Variants in POU2AF2 observed in about 807,000 individuals in gnomAD.
The protein encoded by POU2AF2 is POU domain class 2-associating factor 2.
chr11:111,257,856 G>T, the POU2AF2 span, among the ~76,000 whole-genome samples: 1 of 152,186 alleles, frequency 6.6e-6, no homozygotes, highest in Non-Finnish European at 1.5e-5. Context: ...AGTATCTCAT[G>T]ACTGTAATCC....
chr11:111,280,057 A>AATATATATATAT, the POU2AF2 span, among the ~76,000 whole-genome samples: 438 of 76,374 alleles, frequency 5.7e-3, 2 homozygotes, highest in Admixed American at 0.01. Flanking sequence ...AAAAAAAAAA[A>AATATATATATAT]ATATATATAT....
the POU2AF2 span, chr11:111,245,882 T>A: frequency 2.5e-6 from 1 of 398,806 alleles, no homozygotes; most frequent in African/African-American, 2.1e-5. Flanking sequence ...ACATCAATTA[T>A]TATAATTTAA....
At chr11:111,264,206 A>G in the POU2AF2 span, among the ~76,000 whole-genome samples, 2 of 151,978 alleles carry the variant, frequency 1.3e-5, no homozygotes, top group African/African-American at 4.8e-5. Context: ...GTAGAAAAAG[A>G]CTTCTTGGGT....
chr11:111,264,529 AAAG>A, the POU2AF2 span, among the ~76,000 whole-genome samples: 1 of 70,402 alleles, frequency 1.4e-5, no homozygotes, highest in Non-Finnish European at 2.9e-5. Context: ...AGAAAGAAAG[AAAG>A]AAAGAAAGAA....
At chr11:111,255,969 T>C in the POU2AF2 span, 3 of 399,108 alleles carry the variant, frequency 7.5e-6, no homozygotes, top group African/African-American at 6.2e-5. Flanking sequence ...TTGTGACTAT[T>C]CCATTTGCTT....
chr11:111,258,452 G>A, the POU2AF2 span, among the ~76,000 whole-genome samples: 1 of 152,142 alleles, frequency 6.6e-6, no homozygotes, highest in African/African-American at 2.4e-5. Context: ...AAATGATAAG[G>A]CACTATACCA....
At chr11:111,274,812 G>A in the POU2AF2 span, among the ~76,000 whole-genome samples, 428 of 152,060 alleles carry the variant, frequency 2.8e-3, 7 homozygotes, top group Non-Finnish European at 6.3e-4. Flanking sequence ...AGACTGGTGC[G>A]GTGGTTAAGA....
the POU2AF2 span, among the ~76,000 whole-genome samples, chr11:111,260,852 G>A: frequency 1.3e-5 from 2 of 152,172 alleles, no homozygotes; most frequent in Admixed American, 6.5e-5. Context: ...GTCCCCCGCC[G>A]GATAGGCATA....
chr11:111,278,065 T>C, the POU2AF2 span, among the ~76,000 whole-genome samples: 5 of 152,210 alleles, frequency 3.3e-5, no homozygotes, highest in Non-Finnish European at 7.3e-5. Flanking sequence ...TGTTAAAATA[T>C]TAAACAGGAA....
At chr11:111,266,023 C>T in the POU2AF2 span, among the ~76,000 whole-genome samples, 4 of 152,042 alleles carry the variant, frequency 2.6e-5, no homozygotes, top group African/African-American at 9.6e-5. Context: ...TTCTGTAGTA[C>T]TAAATATCCA....
At chr11:111,259,993 C>A in the POU2AF2 span, among the ~76,000 whole-genome samples, 1 of 152,198 alleles carries the variant, frequency 6.6e-6, no homozygotes, top group East Asian at 1.9e-4. Context: ...ATCCTCTTAA[C>A]CACTACTCTA....
chr11:111,284,510 C>G, the POU2AF2 span: 1 of 1,128,492 alleles, frequency 8.9e-7, no homozygotes, highest in Non-Finnish European at 1.2e-6. Flanking sequence ...TGCTTTGCAG[C>G]TGCCTAGAGA....
chr11:111,258,584 G>C, the POU2AF2 span, among the ~76,000 whole-genome samples: 3 of 152,266 alleles, frequency 2.0e-5, no homozygotes, highest in South Asian at 6.2e-4. Context: ...TGACTATCAA[G>C]TCACGGATTT....
At chr11:111,269,337 G>T in the POU2AF2 span, among the ~76,000 whole-genome samples, 1 of 152,126 alleles carries the variant, frequency 6.6e-6, no homozygotes, top group Non-Finnish European at 1.5e-5. Flanking sequence ...ATGGCCTATT[G>T]TCTGACTTTA....
At chr11:111,250,361 A>ACT in the POU2AF2 span, among the ~76,000 whole-genome samples, 1 of 152,130 alleles carries the variant, frequency 6.6e-6, no homozygotes, top group Non-Finnish European at 1.5e-5. Context: ...GAGTCATAGT[A>ACT]CTCTTCTGTC....
chr11:111,278,898 C>G, the POU2AF2 span, among the ~76,000 whole-genome samples: 1 of 152,178 alleles, frequency 6.6e-6, no homozygotes, highest in Non-Finnish European at 1.5e-5. Flanking sequence ...TCAGAGGGTG[C>G]TAAGTTCTGT....
chr11:111,273,439 CA>C, the POU2AF2 span, among the ~76,000 whole-genome samples: 2 of 152,032 alleles, frequency 1.3e-5, no homozygotes, highest in Admixed American at 6.6e-5. Context: ...GAAATGATGA[CA>C]ATGAAAAATT....
the POU2AF2 span, among the ~76,000 whole-genome samples, chr11:111,278,111 C>T: frequency 6.6e-6 from 1 of 152,154 alleles, no homozygotes; most frequent in Admixed American, 6.5e-5. Flanking sequence ...AAATATACCA[C>T]AGATTTGAAG....
the POU2AF2 span, among the ~76,000 whole-genome samples, chr11:111,274,024 G>T: frequency 6.6e-6 from 1 of 152,168 alleles, no homozygotes; most frequent in South Asian, 2.1e-4. Flanking sequence ...GGATTTGCAG[G>T]ATAAGAGGCA....
Sources: gnomAD v4.1 joint callset for allele counts (sites outside exome capture counted in the v4.1 genomes callset) on GRCh38, gnomAD v4.1.1 for gene constraint, MANE v1.5 for transcripts, NCBI Gene and HGNC (gene_info 2026-07-23, HGNC 2026-07-21) for gene names.